Variants in PLEKHG4B observed in about 807,000 individuals in gnomAD.
PLEKHG4B encodes the protein pleckstrin homology domain-containing family G member 4B.
A neutral mutation model predicts 121.3 loss-of-function variants in PLEKHG4B; 111 were observed. That is an observed-to-expected ratio of 0.92 (90% CI 0.78 to 1.07). The LOEUF (loss-of-function observed/expected upper bound fraction) is 1.07, where lower values mean the gene tolerates loss of function less well. Ranked by LOEUF, PLEKHG4B falls within the 50% of genes least tolerant of loss-of-function variation. The pLI is 0.00. For synonymous variants in PLEKHG4B, 738 were observed against 725.0 expected, an observed-to-expected ratio of 1.02 and a Z score of -0.29; for missense variants, 1,831 against 1,757.8, an observed-to-expected ratio of 1.04 and a Z score of -0.74.
rs771523913 is a variant in PLEKHG4B at position 163,462 on chromosome 5, G to C, written c.3390G>C (p.Arg1130Ser). ...EKKLPLWQHA[R>S]SPPVTQSRSL... ...AGCTCCCGCTGTGGCAGCATGCCAG[G>C]AGCCCCCCGGTCACTCAGAGCCGGA... is the stretch of plus-strand genomic sequence containing the variant. The change falls in exon 13 of 20, where the codon AGG (arginine) becomes AGC (serine). Residue 1130 changes from arginine (R) to serine (S), a missense_variant. Arg to Ser is a moderately radical substitution (Grantham distance 110, BLOSUM62 -1). Coordinates refer to ENST00000637938, the MANE Select transcript of PLEKHG4B (RefSeq NM_052909.5). The C allele has an allele frequency of 6.2e-7, 1 of 1,612,870 alleles. No homozygotes were observed. Among genetic ancestry groups the C allele is most frequent in the South Asian group, 1.1e-5 (1 of 91,078 alleles).
chr5:184,003 A>AGATAGATAGATAGAT lies in PLEKHG4B; in HGVS notation c.*1681_*1695dup, dbSNP rs1553992899. ...TAGATAGATAGATCGATAGATAGAT[A>AGATAGATAGATAGAT]GATAGATAGATAGATAGATAGATAG... On this transcript the variant is annotated 3_prime_UTR_variant, in exon 20 of 20. Coordinates refer to ENST00000637938, the MANE Select transcript of PLEKHG4B (RefSeq NM_052909.5). 1 of 144,368 alleles carries AGATAGATAGATAGAT rather than the reference A, an allele frequency of 6.9e-6. No individual in the cohort carries two copies. The highest frequency in any genetic ancestry group is 2.1e-4 in the South Asian group (1 of 4,782). The allele number at this position is 144,368 out of a possible 1,614,324, so 8.9% of individuals were successfully genotyped here.
In PLEKHG4B at chr5:169,576, G is replaced by A. The variant is rs145985070; in HGVS notation, c.3713G>A (p.Arg1238His). ...CAGCACTGCCCCTTGGCCGTGGGCC[G>A]CAGTTTCCTGAGACACGTAAGTGCA... Reference protein sequence around the residue: ...RCQHCPLAVGRSFLRHEEQFG... With the variant: ...RCQHCPLAVGHSFLRHEEQFG... Residue 1238 changes from arginine (R) to histidine (H), a missense_variant, in exon 14 of 20, where the codon CGC becomes CAC. Physicochemically the swap from Arg to His is conservative, Grantham distance 29. Transcript: ENST00000637938. 1.7e-4 allele frequency: 269 copies of A among 1,613,176 alleles called. No homozygotes were observed. Among genetic ancestry groups the A allele is most frequent in the Non-Finnish European group, 2.0e-4 (235 of 1,180,028 alleles).
intron 1 of PLEKHG4B, among the ~76,000 whole-genome samples, chr5:103,877 C>T (rs1052885606): frequency 8.5e-5 from 13 of 152,294 alleles, no homozygotes; most frequent in Middle Eastern, 3.4e-3. Context: ...CTTTCCTTCC[C>T]CAGCCTCTGG....
At chr5:99,212 A>ATATG (rs1733729340) in intron 1 of PLEKHG4B, among the ~76,000 whole-genome samples, 1 of 105,886 alleles carries the variant, frequency 9.4e-6, no homozygotes, top group African/African-American at 3.6e-5. Context: ...ATATATATAT[A>ATATG]TTTTGCGATT....
intron 1 of PLEKHG4B, among the ~76,000 whole-genome samples, chr5:110,692 C>G (rs555687225): frequency 1.1e-3 from 160 of 151,972 alleles, no homozygotes; most frequent in African/African-American, 3.8e-3. Context: ...ATCTGCAGCA[C>G]ACGTGCACAC....
At chr5:147,160 C>T (rs372845436) in intron 6 of PLEKHG4B, among the ~76,000 whole-genome samples, 2 of 152,182 alleles carry the variant, frequency 1.3e-5, no homozygotes, top group East Asian at 1.9e-4. Context: ...GAGCACAGGC[C>T]GAGGTCCAGA....
Position 156,284 on chromosome 5 carries a change from C to T in PLEKHG4B, c.2348+74C>T, listed in dbSNP as rs1482308666. The T allele has an allele frequency of 6.1e-6, 8 of 1,314,990 alleles. No individual in the cohort carries two copies. Among genetic ancestry groups the T allele is most frequent in the African/African-American group, 1.5e-5 (1 of 64,572 alleles). The allele number at this position is 1,314,990 out of a possible 1,614,324, so 81.5% of individuals were successfully genotyped here. On this transcript the variant is annotated intron_variant, in intron 10 of 19. Coordinates refer to ENST00000637938, the MANE Select transcript of PLEKHG4B (RefSeq NM_052909.5). This position sits in a 1 kb window ranked among gnomAD's most constrained non-coding sequence, Gnocchi z 4.4. ...GCTCGGGGGAGTTTGCACCAGGAGG[C>T]GTAGCGCTCTGCTCCAAGGAGAGCC...
chr5:94,982 T>C (rs576153360), intron 1 of PLEKHG4B, among the ~76,000 whole-genome samples: 2 of 152,224 alleles, frequency 1.3e-5, no homozygotes, highest in African/African-American at 2.4e-5. Context: ...TCTTCACTTA[T>C]GTTACTGTCC....
At chr5:173,101 G>C in intron 17 of PLEKHG4B, 34 bp downstream of exon 17, 1 of 1,602,890 alleles carries the variant, frequency 6.2e-7, no homozygotes, top group Non-Finnish European at 8.5e-7. Context: ...GGTGCAGGCC[G>C]AGCCAGGCCC....
At position 160,966 on chromosome 5, in the gene PLEKHG4B, C is replaced by T. The variant is rs150782481; in HGVS notation, c.2488-817C>T. Among the ~76,000 whole-genome samples, 693 of 152,302 alleles carry T rather than the reference C, an allele frequency of 4.6e-3. 6 individuals are homozygous for T. The highest frequency in any genetic ancestry group is 0.016 in the African/African-American group (661 of 41,554). ...ACAGCGTATGTGCTGGTCTGTCTCT[C>T]CTCTGCTGCATGTCTGGGGTCATTC... On this transcript the variant is annotated intron_variant, in intron 11 of 19. Coordinates refer to ENST00000637938, the MANE Select transcript of PLEKHG4B (RefSeq NM_052909.5).
chr5:116,941 G>T (rs1293749047), intron 2 of PLEKHG4B, among the ~76,000 whole-genome samples: 5 of 152,206 alleles, frequency 3.3e-5, no homozygotes, highest in Non-Finnish European at 7.3e-5. Flanking sequence ...GAAACAGAGA[G>T]GTGCCTGCTG....
chr5:164,694 AC>A (rs1736210105), intron 13 of PLEKHG4B, among the ~76,000 whole-genome samples: 2 of 97,988 alleles, frequency 2.0e-5, no homozygotes, highest in African/African-American at 5.3e-5. Context: ...GGCGGAGCTC[AC>A]ACTAATGCTC....
chr5:151,772 A>G (rs934215095), intron 7 of PLEKHG4B, among the ~76,000 whole-genome samples, 173 bp downstream of exon 7: 1 of 152,254 alleles, frequency 6.6e-6, no homozygotes. Flanking sequence ...AGAGTATGCC[A>G]TGAAAAACTT....
Position 161,893 on chromosome 5 carries a change from CAGGG to C in PLEKHG4B, c.2605_2608del (p.Gly869SerfsTer15). On this transcript the variant is annotated frameshift_variant, in exon 12 of 20. Coordinates refer to ENST00000637938, the MANE Select transcript of PLEKHG4B (RefSeq NM_052909.5). LOFTEE classifies it high-confidence loss of function. ...GCGCCGTGGTCAGCCAGGCTGAGTG[CAGGG>C]AGGGAGAGCTGGCCAGGTGGACCCG... 3 of 1,613,624 alleles carry C rather than the reference CAGGG, an allele frequency of 1.9e-6. No individual in the cohort carries two copies. The highest frequency in any genetic ancestry group is 2.2e-5 in the East Asian group (1 of 44,882).
In PLEKHG4B at chr5:187,084, C is replaced by G. The variant is rs1733647534; in HGVS notation, c.*4761C>G. ...CCTCCCCAGGACCCTCCCACGGCCC[C>G]AGGGTGCCGGCCTTCAGATTGACCC... On this transcript the variant is annotated 3_prime_UTR_variant, in exon 20 of 20. Transcript: ENST00000637938. 6.6e-6 allele frequency: 1 copy of G among 152,404 alleles called. No individual in the cohort carries two copies. Among genetic ancestry groups the G allele is most frequent in the African/African-American group, 2.4e-5 (1 of 41,444 alleles). 9.4% of individuals were successfully genotyped at this position (152,404 alleles called of 1,614,324 possible). A position where few individuals can be genotyped will look rare whatever the true frequency, so the allele number is the denominator to read the frequency against.
intron 13 of PLEKHG4B, among the ~76,000 whole-genome samples, chr5:166,739 C>T (rs1002470549): frequency 1.3e-5 from 2 of 152,212 alleles, no homozygotes; most frequent in Non-Finnish European, 2.9e-5. Context: ...GAAGGGGTTT[C>T]CTCCTCACAC....
chr5:160,050 C>A (rs750528042), intron 11 of PLEKHG4B, among the ~76,000 whole-genome samples: 1 of 152,234 alleles, frequency 6.6e-6, no homozygotes, highest in Non-Finnish European at 1.5e-5. Flanking sequence ...ACGTTGTGAC[C>A]GGACAGGCGA....
chr5:168,826 G>A (rs146974975), intron 13 of PLEKHG4B, among the ~76,000 whole-genome samples: 208 of 150,854 alleles, frequency 1.4e-3, no homozygotes, highest in Non-Finnish European at 2.1e-3. Context: ...CAGGTGAGTC[G>A]CTCCTTGCTG....
In PLEKHG4B at chr5:120,056, G is replaced by A. The variant is rs1458103718; in HGVS notation, c.243+6608G>A. 1.3e-5 allele frequency among the ~76,000 whole-genome samples: 2 copies of A among 152,116 alleles called. 1 individual carries two copies. Among genetic ancestry groups the A allele is most frequent in the East Asian group, 3.9e-4 (2 of 5,174 alleles). ...GAGCCCAGGAGTTCAGTAGCATCCT[G>A]GGCAACATGTGAGAGCACAGCTCTA... On this transcript the variant is annotated intron_variant, in intron 2 of 19. Coordinates refer to ENST00000637938, the MANE Select transcript of PLEKHG4B (RefSeq NM_052909.5).
Sources: gnomAD v4.1 joint callset for allele counts (sites outside exome capture counted in the v4.1 genomes callset) on GRCh38, gnomAD v4.1.1 for gene constraint, Gnocchi (gnomAD v3.1) non-coding constraint, MANE v1.5 for transcripts, NCBI Gene and HGNC (gene_info 2026-07-23, HGNC 2026-07-21) for gene names.